Variants in LMLN observed in about 807,000 individuals in gnomAD.
LMLN encodes the protein leishmanolysin like peptidase.
A neutral mutation model predicts 92.3 loss-of-function variants in LMLN; 70 were observed. The ratio of observed to expected loss-of-function variants is 0.76; its 90% CI spans 0.63 to 0.92. The LOEUF (loss-of-function observed/expected upper bound fraction) is 0.92. Ranked by LOEUF, LMLN falls within the 40% of genes least tolerant of loss-of-function variation. LMLN has a pLI of 0.00. For synonymous variants in LMLN, 308 were observed against 296.2 expected (o/e 1.04, Z -0.41); for missense variants, 691 against 814.6 (o/e 0.85, Z 1.85).
intron 11 of LMLN, among the ~76,000 whole-genome samples, chr3:198,003,428 G>T (rs1282416907): frequency 1.3e-5 from 2 of 152,004 alleles, no homozygotes; most frequent in African/African-American, 2.4e-5. Flanking sequence ...GTCATTTGTG[G>T]TGTTTTCTTC....
chr3:198,041,103 A>C (rs1723392295), exon 16 of LMLN: 1 of 152,404 alleles, frequency 6.6e-6, no homozygotes, highest in African/African-American at 2.4e-5. Flanking sequence ...ACTAAGAATT[A>C]ATTCTGATTA....
At chr3:197,985,526 T>A (rs1430750490) in intron 7 of LMLN, 1 of 230,006 alleles carries the variant, frequency 4.3e-6, no homozygotes, top group East Asian at 9.0e-5. Flanking sequence ...AATTAATGTT[T>A]GTAGTATTTC....
intron 6 of LMLN, among the ~76,000 whole-genome samples, chr3:197,981,104 C>T (rs1417052595): frequency 6.9e-6 from 1 of 145,512 alleles, no homozygotes; most frequent in African/African-American, 2.6e-5. Context: ...CCTTGTCCCT[C>T]ACAAAAAAGA....
chr3:198,013,452 G>C (rs1220100044), intron 11 of LMLN, among the ~76,000 whole-genome samples: 1 of 130,768 alleles, frequency 7.6e-6, no homozygotes, highest in African/African-American at 3.2e-5. Context: ...TAACTAGTCT[G>C]ACTTCTCTCC....
At chr3:197,993,556 A>T (rs563869554) in intron 9 of LMLN, among the ~76,000 whole-genome samples, 3 of 152,274 alleles carry the variant, frequency 2.0e-5, no homozygotes, top group Middle Eastern at 3.4e-3. Flanking sequence ...GAAGTAAAAG[A>T]CCTGTACACT....
intron 12 of LMLN, among the ~76,000 whole-genome samples, chr3:198,020,768 A>ATTGTTTTTTTTTTT (rs1722756549): frequency 1.2e-4 from 4 of 32,860 alleles, no homozygotes; most frequent in Non-Finnish European, 1.6e-4. Flanking sequence ...TAATTTTTGT[A>ATTGTTTTTTTTTTT]TTTTTTTTTT....
At position 198,025,982 on chromosome 3, in the gene LMLN, GGTTTTGCTCT is replaced by G. The variant is rs1722921384; in HGVS notation, c.1656+1197_1656+1206del. 6.6e-6 allele frequency among the ~76,000 whole-genome samples: 1 copy of G among 151,784 alleles called. No individual in the cohort carries two copies. Among genetic ancestry groups the G allele is most frequent in the Non-Finnish European group, 1.5e-5 (1 of 67,938 alleles). The stretch of plus-strand genomic sequence containing the variant: ...TCTTTTCTGTTTTTTTTTGAGACAG[GGTTTTGCTCT>G]GTCACCCAGGCTAGAGACAATGGTG... On this transcript the variant is annotated intron_variant, in intron 14 of 15. Coordinates refer to ENST00000330198, the Ensembl canonical transcript of LMLN. This position sits in a 1 kb window ranked among gnomAD's most constrained non-coding sequence, Gnocchi z 4.3.
In LMLN at chr3:197,999,344, T is replaced by TGAC; in HGVS notation, c.1232+2_1232+3insGAC. On this transcript the variant is annotated splice_region_variant and intron_variant, in intron 11 of 15. Transcript: ENST00000330198. Reference sequence around the variant, plus strand: ...TCTGGCATTAATGGAGGACACTGGGTAAGACAGCTGTGACAAGAGGATATG... The same window carrying TGAC: ...TCTGGCATTAATGGAGGACACTGGGTGACAAGACAGCTGTGACAAGAGGATATG... 3 of 1,592,978 alleles carry TGAC rather than the reference T, an allele frequency of 1.9e-6. No homozygotes were observed. The highest frequency in any genetic ancestry group is 2.6e-6 in the Non-Finnish European group (3 of 1,160,820).
intron 12 of LMLN, among the ~76,000 whole-genome samples, chr3:198,020,125 C>T (rs112491450): frequency 3.3e-5 from 5 of 152,032 alleles, no homozygotes; most frequent in South Asian, 2.1e-4. Flanking sequence ...CCTCCCAAAG[C>T]GCTGGGATTA....
At chr3:197,988,586 C>T (rs1216182882) in intron 8 of LMLN, among the ~76,000 whole-genome samples, 4 of 150,124 alleles carry the variant, frequency 2.7e-5, no homozygotes, top group Non-Finnish European at 5.9e-5. Flanking sequence ...GTTGATCTTC[C>T]CAGGCTCAGG....
At chr3:198,006,214 C>A (rs183139319) in intron 11 of LMLN, among the ~76,000 whole-genome samples, 21 of 152,286 alleles carry the variant, frequency 1.4e-4, no homozygotes, top group Non-Finnish European at 2.4e-4. Context: ...CAGCATAATT[C>A]TCTGGAAATT....
In LMLN at chr3:197,980,348, G is replaced by T. The variant is rs138595233; in HGVS notation, c.572G>T (p.Gly191Val). The change falls in exon 6 of 16, where the codon GGT (glycine) becomes GTT (valine). Residue 191 changes from glycine (G) to valine (V), a missense_variant. By Grantham distance (109) the Gly-to-Val change is moderately radical. Around this residue, in one of 4 missense-constraint regions of LMLN, gnomAD observed 240 missense variants for 287.3 expected, o/e 0.84. Transcript: ENST00000330198. ...CAGCAATGCCGGGTCTACCGTGGGGGTAAGTGGCCTCATGGAGCAGTGGGT... is the reference window on the plus strand; with the variant it reads ...CAGCAATGCCGGGTCTACCGTGGGGTTAAGTGGCCTCATGGAGCAGTGGGT... The T allele has an allele frequency of 2.5e-6, 4 of 1,613,762 alleles. No homozygotes were observed. Among genetic ancestry groups the T allele is most frequent in the Middle Eastern group, 1.6e-4 (1 of 6,080 alleles).
rs544914570 is a variant in LMLN, at chr3:197,996,865, G to T, written c.1155+583G>T. 2.7e-3 allele frequency among the ~76,000 whole-genome samples: 405 copies of T among 152,174 alleles called. 3 individuals carry two copies. The highest frequency in any genetic ancestry group is 0.011 in the South Asian group (52 of 4,812). On this transcript the variant is annotated intron_variant, in intron 10 of 15. Coordinates refer to ENST00000330198, the Ensembl canonical transcript of LMLN. ...CATGATCATAGCACACTACAGCCTC[G>T]AATTCTTTTGGGCTCAAGCAGTCCT...
chr3:198,021,890 A>C (rs1722794327), intron 13 of LMLN, among the ~76,000 whole-genome samples: 1 of 152,230 alleles, frequency 6.6e-6, no homozygotes, highest in African/African-American at 2.4e-5. Flanking sequence ...ATGCATGCAC[A>C]CACGCTATAT....
chr3:197,968,698 A>G (rs936650649), intron 1 of LMLN, among the ~76,000 whole-genome samples: 1 of 152,180 alleles, frequency 6.6e-6, no homozygotes, highest in African/African-American at 2.4e-5. Context: ...CAGGTTTGGT[A>G]TCAGGATAAT....
chr3:198,038,461 C>A, intron 15 of LMLN, 106 bp from the exon 17 acceptor site: 1 of 832,926 alleles, frequency 1.2e-6, no homozygotes, highest in Non-Finnish European at 2.0e-6. Flanking sequence ...CAAGGTGGTC[C>A]TTGTTTACTT....
In LMLN at chr3:198,019,162, C is replaced by A; in HGVS notation, c.1233-91C>A. 1 of 1,287,426 alleles carries A rather than the reference C, an allele frequency of 7.8e-7. No homozygotes were observed. Among genetic ancestry groups the A allele is most frequent in the Non-Finnish European group, 1.1e-6 (1 of 938,928 alleles). The allele number at this position is 1,287,426 out of a possible 1,614,324, so 79.8% of individuals were successfully genotyped here. On this transcript the variant is annotated intron_variant, in intron 11 of 15. Coordinates refer to ENST00000330198, the Ensembl canonical transcript of LMLN. This position sits in a 1 kb window ranked among gnomAD's most constrained non-coding sequence, Gnocchi z 5.5. ...AATTATGAAGGTTTGTATTTTTAGG[C>A]CAGGATCTGGAATTCCATTTGTTGG...
rs1305987857 is a variant in LMLN, at chr3:198,019,076, C to G, written c.1233-177C>G. The stretch of plus-strand genomic sequence containing the variant: ...ATTATTGAGCAGAGAAAATTCCACT[C>G]TTTGTAGCTGCAGGGCAGAGGGGAC... On this transcript the variant is annotated intron_variant, in intron 11 of 15. Transcript: ENST00000330198. This position sits in a 1 kb window ranked among gnomAD's most constrained non-coding sequence, Gnocchi z 5.5. Among the ~76,000 whole-genome samples, 1 of 152,218 alleles carries G rather than the reference C, an allele frequency of 6.6e-6. No homozygotes were observed. Among genetic ancestry groups the G allele is most frequent in the Non-Finnish European group, 1.5e-5 (1 of 68,044 alleles).
At chr3:198,034,265 A>C (rs1368928847) in intron 14 of LMLN, among the ~76,000 whole-genome samples, 1 of 152,226 alleles carries the variant, frequency 6.6e-6, no homozygotes, top group African/African-American at 2.4e-5. Context: ...AAGTAGCATA[A>C]TTGAATGTGA....
Sources: gnomAD v4.1 joint callset for allele counts (sites outside exome capture counted in the v4.1 genomes callset) on GRCh38, gnomAD v4.1.1 for gene constraint, gnomAD v4.1.1 regional missense constraint, Gnocchi (gnomAD v3.1) non-coding constraint, MANE v1.5 for transcripts, NCBI Gene and HGNC (gene_info 2026-07-23, HGNC 2026-07-21) for gene names.